Variants in TMEM132C observed in about 807,000 individuals in gnomAD.
TMEM132C encodes the protein protein phosphatase 1, regulatory subunit 152.
Under a neutral mutation model 61.4 loss-of-function variants are expected in TMEM132C, and 29 were observed. The ratio of observed to expected loss-of-function variants is 0.47; its 90% CI spans 0.35 to 0.64. The LOEUF (loss-of-function observed/expected upper bound fraction) is 0.64, where lower values mean the gene tolerates loss of function less well. Ranked by LOEUF, TMEM132C falls within the 30% of genes least tolerant of loss-of-function variation. The pLI is 0.00. For synonymous variants in TMEM132C, 656 were observed against 633.1 expected (o/e 1.04, Z -0.54); for missense variants, 1,408 against 1,476.9 (o/e 0.95, Z 0.76).
At position 128,473,384 on chromosome 12, in the gene TMEM132C, G is replaced by A. The variant is rs61940037; in HGVS notation, c.974+57764G>A. On this transcript the variant is annotated intron_variant, in intron 2 of 8. Transcript: ENST00000435159. Reference sequence around the variant, plus strand: ...CCAGCCTCTATCTTCATCTTCACTCGAGCCTCCATCTTCATTTTCACTCCA... The same window carrying A: ...CCAGCCTCTATCTTCATCTTCACTCAAGCCTCCATCTTCATTTTCACTCCA... 1.2e-4 allele frequency among the ~76,000 whole-genome samples: 9 copies of A among 75,254 alleles called. No individual in the cohort carries two copies. In the South Asian group the frequency reaches 3.6e-3, roughly 30 times the overall value. 49.4% of individuals were successfully genotyped at this position (75,254 alleles called of 152,430 possible). A position where few individuals can be genotyped will look rare whatever the true frequency, so the allele number is the denominator to read the frequency against.
intron 3 of TMEM132C, among the ~76,000 whole-genome samples, chr12:128,586,565 TG>T (rs1258584932): frequency 1.3e-5 from 2 of 152,208 alleles, no homozygotes; most frequent in Non-Finnish European, 2.9e-5. Flanking sequence ...ACTGCCAAGC[TG>T]CTGCCTTTAT....
chr12:128,675,850 T>TAGAC (rs779750548), intron 5 of TMEM132C, among the ~76,000 whole-genome samples: 164 of 127,260 alleles, frequency 1.3e-3, no homozygotes, highest in Admixed American at 2.1e-3. Flanking sequence ...GATAGATAGA[T>TAGAC]AGATAGATAG....
intron 1 of TMEM132C, among the ~76,000 whole-genome samples, chr12:128,315,560 A>C (rs113455398): frequency 0.02 from 3,009 of 152,008 alleles, 85 homozygotes; most frequent in African/African-American, 0.062. Context: ...TTTCAGGTTG[A>C]CTCTCTTGCA....
At chr12:128,674,742 C>A (rs2054929) in intron 5 of TMEM132C, among the ~76,000 whole-genome samples, 38,942 of 151,986 alleles carry the variant, frequency 0.26, 5,029 homozygotes, top group South Asian at 0.35. Context: ...AAGTTCTTTA[C>A]TGGTGATTTG....
intron 6 of TMEM132C, 93 bp downstream of exon 6, chr12:128,694,127 G>GACAA: frequency 7.4e-7 from 1 of 1,355,938 alleles, no homozygotes; most frequent in Non-Finnish European, 1.0e-6. Flanking sequence ...AGAGATGCTG[G>GACAA]TATTGTCTCA....
chr12:128,299,972 C>T (rs764546465), intron 1 of TMEM132C, among the ~76,000 whole-genome samples: 101 of 152,288 alleles, frequency 6.6e-4, no homozygotes, highest in Middle Eastern at 3.4e-3. Context: ...TAAATAATTC[C>T]GTCAGTGTAG....
chr12:128,681,817 A>AT (rs35154554), intron 5 of TMEM132C, among the ~76,000 whole-genome samples: 24,560 of 86,596 alleles, frequency 0.28, 3,476 homozygotes, highest in Non-Finnish European at 0.31. Context: ...CCACGCCTGG[A>AT]TTTTTTTTTT....
chr12:128,587,469 C>T (rs1875591598), intron 3 of TMEM132C, among the ~76,000 whole-genome samples: 1 of 152,202 alleles, frequency 6.6e-6, no homozygotes, highest in African/African-American at 2.4e-5. Flanking sequence ...GCTAAAACCT[C>T]ACCTCCTCAC....
At chr12:128,343,545 G>T in intron 1 of TMEM132C, among the ~76,000 whole-genome samples, 1 of 151,690 alleles carries the variant, frequency 6.6e-6, no homozygotes, top group East Asian at 1.9e-4. Context: ...TTATCCTGTT[G>T]TTGAGGAAGT....
chr12:128,627,355 T>C (rs1370263160), intron 4 of TMEM132C, among the ~76,000 whole-genome samples: 3 of 152,188 alleles, frequency 2.0e-5, no homozygotes, highest in Non-Finnish European at 4.4e-5. Context: ...CATTTTAGCC[T>C]TGACAAAATT....
intron 4 of TMEM132C, among the ~76,000 whole-genome samples, chr12:128,629,847 T>C (rs1276382594): frequency 6.6e-6 from 1 of 151,624 alleles, no homozygotes; most frequent in Non-Finnish European, 1.5e-5. Context: ...ACACCTGTAA[T>C]CCCAGCTACT....
intron 1 of TMEM132C, among the ~76,000 whole-genome samples, chr12:128,374,248 C>G (rs958993708): frequency 1.3e-5 from 2 of 152,162 alleles, no homozygotes; most frequent in Non-Finnish European, 2.9e-5. Flanking sequence ...AACTAGGACC[C>G]TCCATGGTGG....
intron 3 of TMEM132C, among the ~76,000 whole-genome samples, chr12:128,600,241 C>G (rs1876134296): frequency 6.6e-6 from 1 of 152,160 alleles, no homozygotes; most frequent in Non-Finnish European, 1.5e-5. Flanking sequence ...CTCGGCCTCC[C>G]AAAGTGCTGG....
chr12:128,336,393 C>T (rs1265198209), intron 1 of TMEM132C, among the ~76,000 whole-genome samples: 2 of 152,186 alleles, frequency 1.3e-5, no homozygotes, highest in African/African-American at 2.4e-5. Context: ...TTTGCTGACA[C>T]TGTATGCCCA....
chr12:128,397,591 G>A (rs765124736), intron 1 of TMEM132C, among the ~76,000 whole-genome samples: 14 of 152,068 alleles, frequency 9.2e-5, no homozygotes, highest in Non-Finnish European at 1.8e-4. Flanking sequence ...TAACAAGTTG[G>A]TCCCCATGGA....
chr12:128,689,868 A>G (rs758942323), intron 5 of TMEM132C, among the ~76,000 whole-genome samples: 2 of 152,174 alleles, frequency 1.3e-5, no homozygotes, highest in Non-Finnish European at 2.9e-5. Context: ...TCTGAGATGG[A>G]CACTCAGCAG....
At chr12:128,583,341 G>A (rs935394793) in intron 3 of TMEM132C, among the ~76,000 whole-genome samples, 2 of 151,682 alleles carry the variant, frequency 1.3e-5, no homozygotes, top group Admixed American at 6.6e-5. Context: ...TGCACTGGGG[G>A]GAATTATTTC....
At chr12:128,663,996 TCA>T (rs1238353657) in intron 4 of TMEM132C, among the ~76,000 whole-genome samples, 4 of 103,952 alleles carry the variant, frequency 3.8e-5, no homozygotes, top group Non-Finnish European at 5.9e-5. Context: ...ACGCGGGCAC[TCA>T]CACAGGCACA....
chr12:128,523,692 A>G (rs941890848), intron 2 of TMEM132C, among the ~76,000 whole-genome samples: 6 of 152,096 alleles, frequency 3.9e-5, no homozygotes, highest in Non-Finnish European at 7.4e-5. Context: ...TCTGTAAAAA[A>G]ATAAACAAAA....
Sources: allele counts gnomAD v4.1 joint callset (sites outside exome capture counted in the v4.1 genomes callset), GRCh38; gene constraint gnomAD v4.1.1; transcripts MANE v1.5; gene names NCBI Gene and HGNC (gene_info 2026-07-23, HGNC 2026-07-21).